POLN: variants seen among roughly 807,000 people sequenced by gnomAD.
The protein encoded by POLN is DNA polymerase N.
Under a neutral mutation model 113.5 loss-of-function variants are expected in POLN, and 108 were observed. The ratio of observed to expected loss-of-function variants is 0.95; its 90% CI spans 0.81 to 1.12. The LOEUF is 1.12. Among genes scored for constraint, POLN ranks in the 50% most tolerant of loss-of-function variants. The pLI, the probability that POLN is intolerant of heterozygous loss-of-function variation, is 0.00. For synonymous variants in POLN, 386 were observed against 391.5 expected (o/e 0.99, Z 0.17); for missense variants, 1,097 against 1,077.1 (o/e 1.02, Z -0.26).
At chr4:2,226,268 C>T (rs886680709) in intron 3 of POLN, among the ~76,000 whole-genome samples, 4 of 152,186 alleles carry the variant, frequency 2.6e-5, no homozygotes, top group Non-Finnish European at 4.4e-5. Flanking sequence ...AGGCACCTGG[C>T]CACTTGGTCA....
intron 11 of POLN, among the ~76,000 whole-genome samples, chr4:2,173,235 T>C (rs1305150619): frequency 3.9e-5 from 6 of 152,198 alleles, no homozygotes; most frequent in Non-Finnish European, 7.3e-5. Context: ...GATGGTTATA[T>C]TGGGGTTTCC....
intron 6 of POLN, among the ~76,000 whole-genome samples, chr4:2,193,611 T>C (rs559758441): frequency 2.0e-5 from 3 of 152,170 alleles, no homozygotes; most frequent in Non-Finnish European, 4.4e-5. Context: ...GTACACCTAC[T>C]CTGGGCTCTT....
rs753670528 is a variant in POLN, at chr4:2,208,369, G to A, written c.332C>T (p.Ser111Leu). ...AATTAAACAACTTGAAAGAGTCAAT[G>A]AGCTGATGCTCTTCTGTTTTTGGTC... Reference protein sequence around the residue: ...SADQKQKSISSLTLSSCLIPQ... With the variant: ...SADQKQKSISLLTLSSCLIPQ... Residue 111 changes from serine to leucine, a missense_variant, in exon 5 of 26, where the codon TCA (serine) becomes TTA (leucine). Ser to Leu is a moderately radical substitution (Grantham distance 145). Coordinates refer to ENST00000511885, the MANE Select transcript of POLN (RefSeq NM_181808.4). 3 of 1,613,556 alleles carry A rather than the reference G, an allele frequency of 1.9e-6. No individual in the cohort carries two copies. The highest frequency in any genetic ancestry group is 2.2e-5 in the East Asian group (1 of 44,872).
chr4:2,089,192 A>G, intron 20 of POLN: 1 of 1,515,008 alleles, frequency 6.6e-7, no homozygotes, highest in Non-Finnish European at 9.0e-7. Flanking sequence ...CTGACCTCAA[A>G]GGACTCTTTC....
rs199762780 is a variant in POLN, at chr4:2,148,672, C to T, written c.1731+8116G>A. ...ACAGAGCGAGACTCTGTCCCCCCCC[C>T]AAAAAAAAAAAGTATGTGAATAAAT... On this transcript the variant is annotated intron_variant, in intron 16 of 25. Transcript: ENST00000511885. Among the ~76,000 whole-genome samples, 5 of 149,434 alleles carry T rather than the reference C, an allele frequency of 3.3e-5. No individual in the cohort carries two copies. The East Asian group carries it at 1.0e-3, about 30-fold the overall frequency.
At chr4:2,236,260 GA>G in intron 2 of POLN, 2 of 1,612,848 alleles carry the variant, frequency 1.2e-6, no homozygotes, top group South Asian at 2.2e-5. Flanking sequence ...TTTCCTCCTT[GA>G]TACAAAGTAT....
intron 16 of POLN, among the ~76,000 whole-genome samples, chr4:2,153,211 A>G (rs143060975): frequency 1.1e-3 from 175 of 152,356 alleles, no homozygotes; most frequent in Non-Finnish European, 2.1e-3. Context: ...TGTAAAATAA[A>G]TAATGACAAA....
intron 19 of POLN, among the ~76,000 whole-genome samples, chr4:2,114,250 CTATATAAAAATATATA>C (rs1226177934): frequency 2.6e-5 from 4 of 151,704 alleles, no homozygotes; most frequent in Non-Finnish European, 4.4e-5. Flanking sequence ...ACATACAGAA[CTATATAAAAATATATA>C]AAATAAACTA....
chr4:2,157,027 C>A (rs566905179), intron 15 of POLN, among the ~76,000 whole-genome samples, 174 bp from the exon 16 acceptor site: 7 of 152,188 alleles, frequency 4.6e-5, no homozygotes, highest in African/African-American at 1.2e-4. Context: ...ACTCCTGACA[C>A]GTGATCAGGG....
At chr4:2,087,896 G>A (rs543846811) in intron 20 of POLN, among the ~76,000 whole-genome samples, 1 of 152,164 alleles carries the variant, frequency 6.6e-6, no homozygotes, top group Admixed American at 6.5e-5. Context: ...GCAATGGTAT[G>A]ATCATAGCTC....
chr4:2,143,327 G>A (rs1454353440), intron 16 of POLN, among the ~76,000 whole-genome samples: 1 of 151,942 alleles, frequency 6.6e-6, no homozygotes, highest in Non-Finnish European at 1.5e-5. Context: ...AAAAAACAGA[G>A]AAGACACAAA....
intron 2 of POLN, among the ~76,000 whole-genome samples, chr4:2,235,254 T>C (rs1311370929): frequency 6.6e-6 from 1 of 152,260 alleles, no homozygotes; most frequent in African/African-American, 2.4e-5. Flanking sequence ...TGGAAATTTT[T>C]ACACAATTCT....
intron 16 of POLN, among the ~76,000 whole-genome samples, chr4:2,151,195 G>T (rs778519375): frequency 6.6e-6 from 1 of 152,136 alleles, no homozygotes; most frequent in Non-Finnish European, 1.5e-5. Flanking sequence ...AAAATGACTG[G>T]CAAATTAACA....
intron 3 of POLN, among the ~76,000 whole-genome samples, chr4:2,220,832 A>C (rs1299162181): frequency 6.6e-6 from 1 of 152,216 alleles, no homozygotes; most frequent in Non-Finnish European, 1.5e-5. Flanking sequence ...CGCAAAAAAG[A>C]AAAAGCCTGA....
chr4:2,236,386 C>G lies in POLN; in HGVS notation c.-13+5134G>C, dbSNP rs1441141072. On this transcript the variant is annotated intron_variant, in intron 2 of 25. Transcript: ENST00000511885. Reference sequence around the variant, plus strand: ...ATATTCTGTTTCAATTTCTCAGCCACTTCCTCAAGGTTTCCATGAGTTAGA... The same window carrying G: ...ATATTCTGTTTCAATTTCTCAGCCAGTTCCTCAAGGTTTCCATGAGTTAGA... 1.9e-6 allele frequency: 3 copies of G among 1,613,798 alleles called. No individual in the cohort carries two copies. In the South Asian group the frequency reaches 3.3e-5, roughly 18 times the overall value.
At chr4:2,223,680 T>C (rs1036119954) in intron 3 of POLN, among the ~76,000 whole-genome samples, 11 of 152,220 alleles carry the variant, frequency 7.2e-5, no homozygotes, top group Non-Finnish European at 7.3e-5. Flanking sequence ...TGTACTAGGC[T>C]ACAAAGCTGT....
chr4:2,219,284 A>C (rs1248069523), intron 3 of POLN, among the ~76,000 whole-genome samples: 1 of 152,260 alleles, frequency 6.6e-6, no homozygotes, highest in Admixed American at 6.5e-5. Context: ...TATCATATGA[A>C]TGTTTCAGTA....
intron 3 of POLN, chr4:2,228,104 A>T (rs575168502): frequency 6.5e-6 from 1 of 153,684 alleles, no homozygotes; most frequent in Non-Finnish European, 1.5e-5. Flanking sequence ...AATATTCGGC[A>T]ATACTCTCAA....
intron 23 of POLN, chr4:2,077,004 AT>A (rs1008539350): frequency 6.7e-5 from 10 of 149,318 alleles, no homozygotes; most frequent in South Asian, 2.1e-4. Context: ...CAAGGAGGCT[AT>A]TTTTTTTTTC....
Sources: allele counts gnomAD v4.1 joint callset (sites outside exome capture counted in the v4.1 genomes callset), GRCh38; gene constraint gnomAD v4.1.1; transcripts MANE v1.5; gene names NCBI Gene and HGNC (gene_info 2026-07-23, HGNC 2026-07-21).